Variants in SCO1 observed in about 807,000 individuals in gnomAD.
The protein encoded by SCO1 is cytochrome c oxidase assembly factor SCO1.
Under a neutral mutation model 34.0 loss-of-function variants are expected in SCO1, and 23 were observed. That is an observed-to-expected ratio of 0.68 (90% CI 0.49 to 0.96). SCO1 has a LOEUF of 0.96. Ranked by LOEUF, SCO1 falls within the 40% of genes least tolerant of loss-of-function variation. The pLI is 0.00. For missense variants in SCO1, 404 were observed against 381.6 expected (o/e 1.06, Z -0.49); for synonymous variants, 161 against 145.5 (o/e 1.11, Z -0.77).
chr17:10,684,783 T>C (rs1246995099), intron 5 of SCO1, among the ~76,000 whole-genome samples: 2 of 152,242 alleles, frequency 1.3e-5, no homozygotes, highest in South Asian at 4.1e-4. Flanking sequence ...TACAACTCTC[T>C]ATAAAGACAG....
In SCO1 at chr17:10,680,766, T is replaced by G; in HGVS notation, c.*353A>C. The G allele has an allele frequency of 2.7e-6, 1 of 364,106 alleles. No homozygotes were observed. Among genetic ancestry groups the G allele is most frequent in the Non-Finnish European group, 5.2e-6 (1 of 192,740 alleles). The allele number at this position is 364,106 out of a possible 1,614,324, so 22.6% of individuals were successfully genotyped here. On this transcript the variant is annotated 3_prime_UTR_variant, in exon 6 of 6. Coordinates refer to ENST00000255390, the MANE Select transcript of SCO1 (RefSeq NM_004589.4). Reference sequence around the variant, plus strand: ...CTATTTGAGCAAGGGCCCAAGACGATGGAGAGGCGGCAAAGCTGCTGGGAG... The same window carrying G: ...CTATTTGAGCAAGGGCCCAAGACGAGGGAGAGGCGGCAAAGCTGCTGGGAG...
intron 2 of SCO1, 121 bp downstream of exon 2, chr17:10,695,620 T>A (rs2074716361): frequency 1.4e-6 from 1 of 705,020 alleles, no homozygotes; most frequent in Admixed American, 2.2e-5. Context: ...ATGCTATCTT[T>A]GCAATTTTTT....
Position 10,697,281 on chromosome 17 carries a change from C to A in SCO1, c.227G>T (p.Trp76Leu), listed in dbSNP as rs1048666106. 1 of 1,566,552 alleles carries A rather than the reference C, an allele frequency of 6.4e-7. No homozygotes were observed. Among genetic ancestry groups the A allele is most frequent in the Non-Finnish European group, 8.7e-7 (1 of 1,155,684 alleles). The stretch of plus-strand genomic sequence containing the variant: ...GGAGTCTCCGGGGCCCTTCTGCGAC[C>A]ACGGGGGTGGCGGCCTCGCAGTGCT... ...PLSTARPPPP[W>L]SQKGPGDSTR... Residue 76 changes from tryptophan to leucine, a missense_variant, in exon 1 of 6, where the codon TGG becomes TTG. Coordinates refer to ENST00000255390, the MANE Select transcript of SCO1 (RefSeq NM_004589.4).
intron 4 of SCO1, among the ~76,000 whole-genome samples, chr17:10,687,850 T>A (rs2074666035): frequency 6.6e-6 from 1 of 152,222 alleles, no homozygotes; most frequent in Non-Finnish European, 1.5e-5. Flanking sequence ...GAATGTCTAC[T>A]CATTTGGGGA....
rs572238346 is a variant in SCO1, at chr17:10,686,409, G to A, written c.771+318C>T. The stretch of plus-strand genomic sequence containing the variant: ...AGCCTGGCCAACGTGGTGAAACCCC[G>A]TCTCTACCAAAAAATATAAAAAAGT... On this transcript the variant is annotated intron_variant, in intron 5 of 5. Transcript: ENST00000255390. 7.9e-5 allele frequency among the ~76,000 whole-genome samples: 12 copies of A among 151,318 alleles called. No homozygotes were observed. The South Asian group carries it at 1.5e-3, about 18-fold the overall frequency.
In SCO1 at chr17:10,697,275, T is replaced by A; in HGVS notation, c.233A>T (p.Gln78Leu). 3 of 1,567,370 alleles carry A rather than the reference T, an allele frequency of 1.9e-6. No individual in the cohort carries two copies. The highest frequency in any genetic ancestry group is 2.6e-6 in the Non-Finnish European group (3 of 1,156,060). ...GCGCGTGGAGTCTCCGGGGCCCTTC[T>A]GCGACCACGGGGGTGGCGGCCTCGC... ...STARPPPPWS[Q>L]KGPGDSTRPS... The change falls in exon 1 of 6, where the codon CAG (glutamine) becomes CTG (leucine). Residue 78 changes from glutamine to leucine, a missense_variant. Physicochemically the swap from Gln to Leu is moderately radical, Grantham distance 113. Coordinates refer to ENST00000255390, the MANE Select transcript of SCO1 (RefSeq NM_004589.4).
At position 10,681,192 on chromosome 17, in the gene SCO1, C is replaced by T. The variant is rs1338336854; in HGVS notation, c.833G>A (p.Gly278Asp). The T allele has an allele frequency of 6.2e-7, 1 of 1,614,048 alleles. No individual in the cohort carries two copies. Among genetic ancestry groups the T allele is most frequent in the South Asian group, 1.1e-5 (1 of 91,076 alleles). Residue 278 changes from glycine (G) to aspartate (D), a missense_variant, in exon 6 of 6, where the codon GGC (glycine) becomes GAC (aspartate). Physicochemically the swap from Gly to Asp is moderately conservative, Grantham distance 94. Coordinates refer to ENST00000255390, the MANE Select transcript of SCO1 (RefSeq NM_004589.4). ...TATTTCTCCCTTCCTCTTGTTCTGG[C>T]CAAAATAATCTAGAAACTCACCATC... is the stretch of plus-strand genomic sequence containing the variant. Reference protein sequence around the residue: ...GPDGEFLDYFGQNKRKGEIAA... With the variant: ...GPDGEFLDYFDQNKRKGEIAA...
chr17:10,682,750 T>A (rs2074630575), intron 5 of SCO1, among the ~76,000 whole-genome samples: 1 of 152,228 alleles, frequency 6.6e-6, no homozygotes, highest in Non-Finnish European at 1.5e-5. Flanking sequence ...TCTTCCAAGT[T>A]CTAGTACTTC....
intron 2 of SCO1, among the ~76,000 whole-genome samples, chr17:10,695,101 A>C (rs1314062153): frequency 6.6e-6 from 1 of 152,236 alleles, no homozygotes; most frequent in Non-Finnish European, 1.5e-5. Flanking sequence ...AATCCAGAGC[A>C]GTTCCTGGCA....
chr17:10,690,905 G>A (rs983070220), intron 4 of SCO1, among the ~76,000 whole-genome samples: 2 of 152,150 alleles, frequency 1.3e-5, no homozygotes, highest in Non-Finnish European at 2.9e-5. Flanking sequence ...GAGCCTGGAG[G>A]ATACTATTAA....
chr17:10,697,263 C>A lies in SCO1; in HGVS notation c.245G>T (p.Gly82Val). Reference protein sequence around the residue: ...PPPPWSQKGPGDSTRPSKPGP... With the variant: ...PPPPWSQKGPVDSTRPSKPGP... The stretch of plus-strand genomic sequence containing the variant: ...GGGCTTCGAGGGGCGCGTGGAGTCT[C>A]CGGGGCCCTTCTGCGACCACGGGGG... The change falls in exon 1 of 6, where the codon GGA (glycine) becomes GTA (valine). Residue 82 changes from glycine to valine, a missense_variant. Transcript: ENST00000255390. The A allele has an allele frequency of 6.4e-7, 1 of 1,568,062 alleles. No individual in the cohort carries two copies. The highest frequency in any genetic ancestry group is 8.6e-7 in the Non-Finnish European group (1 of 1,156,652).
chr17:10,682,521 TC>T (rs1247587624), intron 5 of SCO1, among the ~76,000 whole-genome samples: 2 of 152,122 alleles, frequency 1.3e-5, no homozygotes, highest in African/African-American at 4.8e-5. Flanking sequence ...TCACTCTTTC[TC>T]CCTATTTCTT....
chr17:10,697,357 C>A lies in SCO1; in HGVS notation c.151G>T (p.Ala51Ser). Residue 51 changes from alanine to serine, a missense_variant, in exon 1 of 6, where the codon GCG becomes TCG. Coordinates refer to ENST00000255390, the MANE Select transcript of SCO1 (RefSeq NM_004589.4). ...CCAGGGCGCCCCGAGGCACGCCACGCCTCCGCTTGCCGCGCGCAGAACTGC... is the reference window on the plus strand; with the variant it reads ...CCAGGGCGCCCCGAGGCACGCCACGACTCCGCTTGCCGCGCGCAGAACTGC... The part of the protein sequence containing the change: ...LRQFCARQAE[A>S]WRASGRPGYC... 6.3e-7 allele frequency: 1 copy of A among 1,589,722 alleles called. No individual in the cohort carries two copies. Among genetic ancestry groups the A allele is most frequent in the Non-Finnish European group, 8.6e-7 (1 of 1,168,110 alleles).
At chr17:10,691,753 C>G in intron 4 of SCO1, 119 bp downstream of exon 4, 1 of 704,476 alleles carries the variant, frequency 1.4e-6, no homozygotes, top group Non-Finnish European at 2.6e-6. Context: ...TTTTATTCAC[C>G]CATAAAACTG....
chr17:10,681,290 C>T (rs1375572774), intron 5 of SCO1, 37 bp from the exon 6 acceptor site: 3 of 1,609,076 alleles, frequency 1.9e-6, no homozygotes, highest in Non-Finnish European at 2.5e-6. Context: ...ACAAAGATTA[C>T]CAAAATAAGC....
intron 4 of SCO1, among the ~76,000 whole-genome samples, chr17:10,690,879 T>C (rs1049538601): frequency 6.6e-6 from 1 of 152,188 alleles, no homozygotes; most frequent in Non-Finnish European, 1.5e-5. Context: ...ATCCTGTCAT[T>C]TGTGGCAATG....
intron 5 of SCO1, chr17:10,684,033 G>A (rs545250111): frequency 2.0e-5 from 3 of 152,286 alleles, no homozygotes; most frequent in African/African-American, 4.8e-5. Context: ...CTAAGAAGCT[G>A]AAGAATGTCT....
In SCO1 at chr17:10,692,804, T is replaced by C. The variant is rs138263987; in HGVS notation, c.522A>G (p.Pro174=). The C allele has an allele frequency of 1.1e-5, 17 of 1,614,106 alleles. No individual in the cohort carries two copies. Among genetic ancestry groups the C allele is most frequent in the Non-Finnish European group, 1.4e-5 (17 of 1,180,030 alleles). Residue 174 remains proline, a synonymous_variant, in exon 3 of 6, where the codon CCA becomes CCG. Transcript: ENST00000255390. ...FGFTHCPDVC[P]EELEKMIQVV... ...CTTGAATCATCTTTTCTAGTTCTTC[T>C]GGACAGACATCAGGGCAATGAGTGA... is the stretch of plus-strand genomic sequence containing the variant.
Position 10,680,885 on chromosome 17 carries a change from C to G in SCO1, c.*234G>C. ...TCACTGGCTTCACTTCAGCTTGATC[C>G]TCTGGTCTCCCCACAGCTTCCTGGG... On this transcript the variant is annotated 3_prime_UTR_variant, in exon 6 of 6. Coordinates refer to ENST00000255390, the MANE Select transcript of SCO1 (RefSeq NM_004589.4). 1 of 558,366 alleles carries G rather than the reference C, an allele frequency of 1.8e-6. No homozygotes were observed. Among genetic ancestry groups the G allele is most frequent in the Non-Finnish European group, 3.2e-6 (1 of 314,298 alleles). The allele number at this position is 558,366 out of a possible 1,614,324, so 34.6% of individuals were successfully genotyped here.
Sources: gnomAD v4.1 joint callset for allele counts (sites outside exome capture counted in the v4.1 genomes callset) on GRCh38, gnomAD v4.1.1 for gene constraint, MANE v1.5 for transcripts, NCBI Gene and HGNC (gene_info 2026-07-23, HGNC 2026-07-21) for gene names.